The following TOX3 variants were observed in gnomAD, a reference collection of about 807,000 sequenced individuals.
The protein encoded by TOX3 is CAG trinucleotide repeat-containing gene F9 protein.
A neutral mutation model predicts 64.3 loss-of-function variants in TOX3; 22 were observed. That is an observed-to-expected ratio of 0.34 (90% CI 0.24 to 0.49). The LOEUF (loss-of-function observed/expected upper bound fraction) is 0.49, where lower values mean the gene tolerates loss of function less well. TOX3 is among the 20% of genes least tolerant of loss of function. The pLI is 0.99. For missense variants in TOX3, 661 were observed against 714.4 expected (o/e 0.93, Z 0.85); for synonymous variants, 291 against 273.6 (o/e 1.06, Z -0.63).
At chr16:52,504,480 A>G (rs1319384876) in intron 1 of TOX3, among the ~76,000 whole-genome samples, 1 of 151,758 alleles carries the variant, frequency 6.6e-6, no homozygotes, top group African/African-American at 2.4e-5. Context: ...AAAAAAAAAA[A>G]AAAAGAAGTT....
At chr16:52,526,353 G>A (rs1000695940) in intron 1 of TOX3, among the ~76,000 whole-genome samples, 1 of 152,190 alleles carries the variant, frequency 6.6e-6, no homozygotes, top group African/African-American at 2.4e-5. Context: ...CATACATAAT[G>A]AATTGGTCAA....
chr16:52,529,764 T>C (rs1962810978), intron 1 of TOX3, among the ~76,000 whole-genome samples: 1 of 152,176 alleles, frequency 6.6e-6, no homozygotes, highest in East Asian at 1.9e-4. Context: ...TATAGTAACC[T>C]AAGAAGATTC....
intron 1 of TOX3, among the ~76,000 whole-genome samples, chr16:52,525,770 C>T (rs1292350786): frequency 6.6e-6 from 1 of 152,152 alleles, no homozygotes; most frequent in African/African-American, 2.4e-5. Flanking sequence ...TTATGGGTAG[C>T]AGCAGTGATA....
chr16:52,478,006 A>C (rs1961266326), intron 1 of TOX3, among the ~76,000 whole-genome samples: 1 of 152,154 alleles, frequency 6.6e-6, no homozygotes, highest in Non-Finnish European at 1.5e-5. Flanking sequence ...CCAGGCTTAA[A>C]GCCACCTTTT....
In TOX3 at chr16:52,439,157, GCCA is replaced by G; in HGVS notation, c.*65_*67del. ...AACCAACACCAACTTACAGGTTTCA[GCCA>G]CATATGCTTTTCCCTCCTATGCCAC... On this transcript the variant is annotated 3_prime_UTR_variant, in exon 7 of 7. Transcript: ENST00000219746. The G allele has an allele frequency of 1.2e-6, 2 of 1,603,716 alleles. No individual in the cohort carries two copies. Among genetic ancestry groups the G allele is most frequent in the Non-Finnish European group, 1.7e-6 (2 of 1,174,736 alleles).
At chr16:52,483,637 C>T (rs865870476) in intron 1 of TOX3, among the ~76,000 whole-genome samples, 5 of 141,266 alleles carry the variant, frequency 3.5e-5, no homozygotes, top group East Asian at 2.3e-4. Flanking sequence ...GGCGCGATCA[C>T]GGCTCACTTC....
chr16:52,537,651 T>C (rs991660112), intron 1 of TOX3, among the ~76,000 whole-genome samples: 4 of 152,058 alleles, frequency 2.6e-5, no homozygotes, highest in African/African-American at 9.7e-5. Context: ...TCTTAGCTCC[T>C]GTGGCTTCCA....
At chr16:52,476,136 C>A (rs1961199861) in intron 1 of TOX3, among the ~76,000 whole-genome samples, 1 of 152,108 alleles carries the variant, frequency 6.6e-6, no homozygotes, top group Non-Finnish European at 1.5e-5. Flanking sequence ...GTGAAGTGAC[C>A]ATCCAGCCCC....
chr16:52,532,023 G>A (rs546088074), intron 1 of TOX3, among the ~76,000 whole-genome samples: 6 of 152,322 alleles, frequency 3.9e-5, no homozygotes, highest in African/African-American at 1.4e-4. Flanking sequence ...TTGGGGGGCA[G>A]TGGGGATACA....
chr16:52,522,384 G>T (rs767174396), intron 1 of TOX3, among the ~76,000 whole-genome samples: 1 of 152,130 alleles, frequency 6.6e-6, no homozygotes, highest in Non-Finnish European at 1.5e-5. Flanking sequence ...CAAAATTTCT[G>T]GTTCCCCTTG....
intron 1 of TOX3, among the ~76,000 whole-genome samples, chr16:52,525,864 G>A (rs917316362): frequency 3.3e-5 from 5 of 152,156 alleles, no homozygotes; most frequent in African/African-American, 1.2e-4. Flanking sequence ...ATTGAAAGGT[G>A]CCCATAATTA....
intron 1 of TOX3, among the ~76,000 whole-genome samples, chr16:52,533,015 C>G (rs990756542): frequency 6.6e-6 from 1 of 152,146 alleles, no homozygotes; most frequent in African/African-American, 2.4e-5. Context: ...AGTGAGAAGA[C>G]AGTGTCAGTA....
chr16:52,452,233 T>C (rs1960372469), intron 3 of TOX3, among the ~76,000 whole-genome samples: 1 of 150,898 alleles, frequency 6.6e-6, no homozygotes, highest in African/African-American at 2.4e-5. Context: ...GAGGGGAGAG[T>C]TTCAACTTTT....
intron 1 of TOX3, among the ~76,000 whole-genome samples, chr16:52,546,364 T>A (rs970906377): frequency 2.0e-5 from 3 of 150,814 alleles, no homozygotes; most frequent in East Asian, 2.0e-4. Flanking sequence ...CGGGCTCTCT[T>A]CGCTTTTTGG....
intron 2 of TOX3, among the ~76,000 whole-genome samples, chr16:52,466,806 C>T (rs773163837): frequency 2.0e-5 from 3 of 151,998 alleles, no homozygotes; most frequent in African/African-American, 4.8e-5. Flanking sequence ...AAATGTTAAA[C>T]TACCTTTAAA....
At chr16:52,461,464 A>T (rs1960686267) in intron 3 of TOX3, among the ~76,000 whole-genome samples, 1 of 152,086 alleles carries the variant, frequency 6.6e-6, no homozygotes, top group Non-Finnish European at 1.5e-5. Context: ...AATGGCATAA[A>T]TTTAACGAAG....
At chr16:52,450,598 G>C in intron 3 of TOX3, 52 bp from the exon 4 acceptor site, 3 of 1,607,618 alleles carry the variant, frequency 1.9e-6, no homozygotes, top group Non-Finnish European at 2.5e-6. Context: ...CCAGATATCA[G>C]TGAACTTATC....
At chr16:52,494,140 ATTTTCTAAGAG>A (rs761083419) in intron 1 of TOX3, among the ~76,000 whole-genome samples, 5 of 152,108 alleles carry the variant, frequency 3.3e-5, no homozygotes, top group Non-Finnish European at 7.3e-5. Flanking sequence ...TAGGCTAATT[ATTTTCTAAGAG>A]TCATGCTCCT....
chr16:52,449,714 T>C (rs1217065862), intron 4 of TOX3, among the ~76,000 whole-genome samples: 1 of 152,272 alleles, frequency 6.6e-6, no homozygotes, highest in African/African-American at 2.4e-5. Flanking sequence ...CTCTTTTTCA[T>C]CATTCTAAGC....
Sources: allele counts gnomAD v4.1 joint callset (sites outside exome capture counted in the v4.1 genomes callset), GRCh38; gene constraint gnomAD v4.1.1; transcripts MANE v1.5; gene names NCBI Gene and HGNC (gene_info 2026-07-23, HGNC 2026-07-21).